Variants in UBXN4 observed in about 807,000 individuals in gnomAD.
UBXN4 encodes the protein UBX domain-containing protein 4.
A neutral mutation model predicts 66.2 loss-of-function variants in UBXN4; 35 were observed. That is an observed-to-expected ratio of 0.53 (90% confidence interval 0.40 to 0.70). UBXN4 has a LOEUF of 0.70. UBXN4 is among the 30% of genes least tolerant of loss of function. The probability of loss-of-function intolerance (pLI) is 0.00; values close to 1 mark genes in which losing one functional copy is unlikely to be tolerated. For synonymous variants in UBXN4, 203 were observed against 204.5 expected (o/e 0.99, Z 0.06); for missense variants, 533 against 599.8 (o/e 0.89, Z 1.16).
intron 1 of UBXN4, chr2:135,742,606 C>CCAT (rs886425425): frequency 1.3e-5 from 2 of 152,344 alleles, no homozygotes; most frequent in African/African-American, 4.8e-5. Context: ...TAGGAACGGG[C>CCAT]CATTAGGCAA....
chr2:135,773,197 A>G (rs990279623), intron 9 of UBXN4, among the ~76,000 whole-genome samples: 3 of 152,248 alleles, frequency 2.0e-5, no homozygotes, highest in African/African-American at 7.2e-5. Flanking sequence ...GAGGAAATAC[A>G]TTGGCTCTGC....
intron 9 of UBXN4, among the ~76,000 whole-genome samples, chr2:135,773,682 C>A (rs16832000): frequency 0.12 from 17,720 of 152,134 alleles, 1,812 homozygotes; most frequent in African/African-American, 0.25. Flanking sequence ...TTCTAGTACA[C>A]CTTGCTAATT....
chr2:135,769,411 T>TTA (rs1553648726), intron 6 of UBXN4, among the ~76,000 whole-genome samples: 2 of 150,642 alleles, frequency 1.3e-5, no homozygotes. Context: ...TTTTTTTTTT[T>TTA]ACCATAGTGC....
intron 1 of UBXN4, 126 bp downstream of exon 1, chr2:135,742,137 C>G: frequency 2.7e-6 from 3 of 1,105,764 alleles, no homozygotes; most frequent in Non-Finnish European, 3.9e-6. Context: ...GCACAATTGC[C>G]ACTACTACCC....
chr2:135,755,241 C>T (rs1162508244), intron 4 of UBXN4, among the ~76,000 whole-genome samples: 1 of 151,804 alleles, frequency 6.6e-6, no homozygotes. Context: ...GGACAAATGG[C>T]TGGTAGAAGT....
chr2:135,761,525 G>A (rs1226225205), intron 5 of UBXN4, among the ~76,000 whole-genome samples: 1 of 152,218 alleles, frequency 6.6e-6, no homozygotes, highest in Non-Finnish European at 1.5e-5. Flanking sequence ...CTAGAGTGAA[G>A]GCTACCCATA....
intron 1 of UBXN4, chr2:135,742,847 T>C (rs1388544425): frequency 1.3e-5 from 2 of 152,134 alleles, no homozygotes; most frequent in Non-Finnish European, 2.9e-5. Flanking sequence ...AAAATAGACG[T>C]TCAGTCCTTG....
At chr2:135,747,910 C>T (rs570037916) in intron 1 of UBXN4, 13 of 317,130 alleles carry the variant, frequency 4.1e-5, no homozygotes, top group African/African-American at 1.3e-4. Flanking sequence ...CGTGAGCCAC[C>T]GAGCCCAGCC....
chr2:135,782,496 A>G (rs1267865522), intron 12 of UBXN4, among the ~76,000 whole-genome samples: 1 of 152,238 alleles, frequency 6.6e-6, no homozygotes, highest in Admixed American at 6.5e-5. Flanking sequence ...GTCACTAAGA[A>G]ACACAATGGA....
rs1177567179 is a variant in UBXN4 at position 135,748,378 on chromosome 2, A to G, written c.185+9A>G. ...AAAATCGATACCAAAAGGTTTGTTT[A>G]TGTTTTAATATTTTATTAATTTTAA... On this transcript the variant is annotated intron_variant, in intron 2 of 12. Coordinates refer to ENST00000272638, the MANE Select transcript of UBXN4 (RefSeq NM_014607.4). 3 of 1,541,222 alleles carry G rather than the reference A, an allele frequency of 1.9e-6. No homozygotes were observed. Among genetic ancestry groups the G allele is most frequent in the Admixed American group, 4.0e-5 (2 of 50,010 alleles).
At chr2:135,761,280 G>A (rs950761076) in intron 5 of UBXN4, among the ~76,000 whole-genome samples, 1 of 152,166 alleles carries the variant, frequency 6.6e-6, no homozygotes, top group African/African-American at 2.4e-5. Context: ...GCTCTCTAAG[G>A]AACCACTCTG....
intron 1 of UBXN4, among the ~76,000 whole-genome samples, chr2:135,743,261 G>A (rs1023209213): frequency 2.4e-4 from 37 of 152,232 alleles, no homozygotes; most frequent in African/African-American, 7.9e-4. Flanking sequence ...CTGTTTATTA[G>A]AAGAGCTTGA....
rs1292165848 is a variant in UBXN4, at chr2:135,782,780, C to T, written c.1420C>T (p.Arg474Cys). The change falls in exon 13 of 13, where the codon CGT becomes TGT. Residue 474 changes from arginine to cysteine, a missense_variant. Coordinates refer to ENST00000272638, the MANE Select transcript of UBXN4 (RefSeq NM_014607.4). ...EPVRKRVLEK[R>C]GDDFKKEGKI... ...AGTGAGAAAAAGAGTGCTGGAAAAA[C>T]GTGGAGACGACTTTAAAAAGGAGGG... The T allele has an allele frequency of 3.1e-6, 5 of 1,613,650 alleles. No individual in the cohort carries two copies. The highest frequency in any genetic ancestry group is 1.1e-5 in the South Asian group (1 of 91,038).
chr2:135,746,696 C>T (rs2077208987), intron 1 of UBXN4, among the ~76,000 whole-genome samples: 1 of 152,030 alleles, frequency 6.6e-6, no homozygotes, highest in Non-Finnish European at 1.5e-5. Flanking sequence ...GACCTTATGG[C>T]TGAAGTGTCT....
At chr2:135,756,739 G>A (rs1456912441) in intron 5 of UBXN4, among the ~76,000 whole-genome samples, 1 of 152,094 alleles carries the variant, frequency 6.6e-6, no homozygotes. Flanking sequence ...TATTCTTTCA[G>A]CCTGAAAATT....
chr2:135,780,308 G>A lies in UBXN4; in HGVS notation c.1311G>A (p.Pro437=), dbSNP rs374859822. 2.8e-5 allele frequency: 45 copies of A among 1,613,838 alleles called. No individual in the cohort carries two copies. Among genetic ancestry groups the A allele is most frequent in the South Asian group, 2.4e-4 (22 of 91,064 alleles). The stretch of plus-strand genomic sequence containing the variant: ...TTAGCAATTTCTTGTTTAGTAATCC[G>A]CCTCCCACACAGACTTCAGTGAGAG... ...RLISNFLFSN[P]PPTQTSVRVT... is the part of the protein sequence containing the mutation. The change falls in exon 12 of 13, where the codon CCG becomes CCA. Residue 437 remains proline, a synonymous_variant. Coordinates refer to ENST00000272638, the MANE Select transcript of UBXN4 (RefSeq NM_014607.4).
At chr2:135,749,888 TCATTTGTTCTATA>T (rs1055487682) in intron 2 of UBXN4, among the ~76,000 whole-genome samples, 3 of 152,312 alleles carry the variant, frequency 2.0e-5, no homozygotes, top group Admixed American at 2.0e-4. Context: ...AGACACCAGG[TCATTTGTTCTATA>T]CATTTGTTCT....
intron 2 of UBXN4, among the ~76,000 whole-genome samples, chr2:135,749,020 C>T (rs1270254638): frequency 4.0e-5 from 6 of 149,752 alleles, no homozygotes; most frequent in African/African-American, 9.9e-5. Context: ...ATAGCCTGGG[C>T]GAGAGAGCAA....
At chr2:135,766,710 G>T (rs1171602496) in intron 6 of UBXN4, among the ~76,000 whole-genome samples, 1 of 152,190 alleles carries the variant, frequency 6.6e-6, no homozygotes, top group African/African-American at 2.4e-5. Context: ...TGAGATGTAT[G>T]CATTATTGGA....
Sources: allele counts gnomAD v4.1 joint callset (sites outside exome capture counted in the v4.1 genomes callset), GRCh38; gene constraint gnomAD v4.1.1; transcripts MANE v1.5; gene names NCBI Gene and HGNC (gene_info 2026-07-23, HGNC 2026-07-21).